ZFP3: variants seen among roughly 807,000 people sequenced by gnomAD.
ZFP3 encodes zinc finger protein 3 homolog.
ZFP3 carries 18 observed loss-of-function variants against 36.7 expected under a neutral mutation model. That is an observed-to-expected ratio of 0.49 (90% CI 0.34 to 0.73). The LOEUF is 0.73. Ranked by LOEUF, ZFP3 falls within the 30% of genes least tolerant of loss-of-function variation. The probability of loss-of-function intolerance (pLI) is 0.01; values close to 1 mark genes in which losing one functional copy is unlikely to be tolerated. For missense variants in ZFP3, 495 were observed against 599.0 expected, an observed-to-expected ratio of 0.83 and a Z score of 1.81; for synonymous variants, 218 against 199.0, an observed-to-expected ratio of 1.10 and a Z score of -0.81.
Position 5,087,209 on chromosome 17 carries a change from T to G in ZFP3, c.-8-4288T>G, listed in dbSNP as rs74835415. ...GATCCTCCCACCTCAGCTTCCCGAG[T>G]AGCTGGAACTACAGGCACATGCCAC... On this transcript the variant is annotated intron_variant, in intron 1 of 1. Transcript: ENST00000318833. Among the ~76,000 whole-genome samples the G allele has an allele frequency of 7.6e-3, 1,144 of 150,842 alleles. 9 individuals are homozygous for G. Among genetic ancestry groups the G allele is most frequent in the African/African-American group, 0.026 (1,084 of 40,994 alleles).
In ZFP3 at chr17:5,092,487, A is replaced by G; in HGVS notation, c.983A>G (p.Gln328Arg). Residue 328 changes from glutamine (Q) to arginine (R), a missense_variant, in exon 2 of 2, where the codon CAG becomes CGG. Physicochemically the swap from Gln to Arg is conservative, Grantham distance 43. This residue lies in a region of ZFP3 where 103 missense variants were observed against 186.8 expected (regional missense o/e 0.55). Coordinates refer to ENST00000318833, the MANE Select transcript of ZFP3 (RefSeq NM_153018.3). This position sits in a 1 kb window ranked among gnomAD's most constrained non-coding sequence, Gnocchi z 5.0. ...FGQSSELIRH[Q>R]RIHTGDKPYE... ...CAGAGTTCTGAGCTTATCCGGCATCAGAGAATTCATACAGGGGACAAACCC... is the reference window on the plus strand; with the variant it reads ...CAGAGTTCTGAGCTTATCCGGCATCGGAGAATTCATACAGGGGACAAACCC... The G allele has an allele frequency of 6.2e-7, 1 of 1,614,222 alleles. No homozygotes were observed. The highest frequency in any genetic ancestry group is 8.5e-7 in the Non-Finnish European group (1 of 1,180,032).
chr17:5,086,369 C>T lies in ZFP3; in HGVS notation c.-8-5128C>T, dbSNP rs149727860. On this transcript the variant is annotated intron_variant, in intron 1 of 1. Transcript: ENST00000318833. The stretch of plus-strand genomic sequence containing the variant: ...AGAGAGAAGGGGAGTCCAAAGTCGC[C>T]CCCAAATCTCCACCTTTCCCCTTCC... Among the ~76,000 whole-genome samples, 42 of 152,210 alleles carry T rather than the reference C, an allele frequency of 2.8e-4. No homozygotes were observed. The South Asian group carries it at 3.3e-3, about 12-fold the overall frequency.
Position 5,092,073 on chromosome 17 carries a change from T to A in ZFP3, c.569T>A (p.Ile190Asn). ...TNSSLRRHLRIHAGEKPFACN... is the reference protein window; with the variant it reads ...TNSSLRRHLRNHAGEKPFACN... The stretch of plus-strand genomic sequence containing the variant: ...TCAAGCCTTCGACGGCACCTGAGAA[T>A]TCATGCTGGAGAAAAACCCTTTGCT... Residue 190 changes from isoleucine to asparagine, a missense_variant, in exon 2 of 2, where the codon ATT (isoleucine) becomes AAT (asparagine). Ile to Asn is a moderately radical substitution (Grantham distance 149). Coordinates refer to ENST00000318833, the MANE Select transcript of ZFP3 (RefSeq NM_153018.3). This position sits in a 1 kb window ranked among gnomAD's most constrained non-coding sequence, Gnocchi z 5.0. 1 of 1,614,212 alleles carries A rather than the reference T, an allele frequency of 6.2e-7. No individual in the cohort carries two copies. Among genetic ancestry groups the A allele is most frequent in the Non-Finnish European group, 8.5e-7 (1 of 1,180,042 alleles).
In ZFP3 at chr17:5,094,041, C is replaced by T. The variant is rs1309363771; in HGVS notation, c.*1028C>T. On this transcript the variant is annotated 3_prime_UTR_variant, in exon 2 of 2. Transcript: ENST00000318833. Reference sequence around the variant, plus strand: ...GTAGCAGACAGGACTGTGGCTTCACCTCCTCCGGGCACCTGGCTACAGTGA... The same window carrying T: ...GTAGCAGACAGGACTGTGGCTTCACTTCCTCCGGGCACCTGGCTACAGTGA... 1 of 167,180 alleles carries T rather than the reference C, an allele frequency of 6.0e-6. No individual in the cohort carries two copies. Among genetic ancestry groups the T allele is most frequent in the Non-Finnish European group, 1.5e-5 (1 of 68,184 alleles). The allele number at this position is 167,180 out of a possible 1,614,324, so 10.4% of individuals were successfully genotyped here.
intron 1 of ZFP3, among the ~76,000 whole-genome samples, chr17:5,086,918 C>T (rs1167695632): frequency 6.6e-6 from 1 of 150,890 alleles, no homozygotes; most frequent in African/African-American, 2.4e-5. Flanking sequence ...TTAGTAGAGA[C>T]GGAGTTTCAC....
chr17:5,091,678 T>G lies in ZFP3; in HGVS notation c.174T>G (p.Val58=), dbSNP rs780962994. Residue 58 remains valine (V), a synonymous_variant, in exon 2 of 2, where the codon GTT becomes GTG. Coordinates refer to ENST00000318833, the MANE Select transcript of ZFP3 (RefSeq NM_153018.3). ...ATTCGAGAGAGTCCATGGAAGAGGT[T>G]ATAGAGCAGATGTCTCCTCAGGAGA... The part of the protein sequence containing the change: ...EGHSRESMEE[V]IEQMSPQERD... 3.7e-6 allele frequency: 6 copies of G among 1,614,156 alleles called. No individual in the cohort carries two copies. The highest frequency in any genetic ancestry group is 5.1e-6 in the Non-Finnish European group (6 of 1,180,036).
intron 1 of ZFP3, among the ~76,000 whole-genome samples, chr17:5,088,697 C>T (rs2072134110): frequency 6.6e-6 from 1 of 152,174 alleles, no homozygotes; most frequent in Admixed American, 6.5e-5. Flanking sequence ...ATCCACCATC[C>T]TCGGCCTCCC....
rs1391556606 is a variant in ZFP3, at chr17:5,093,814, T to C, written c.*801T>C. ...AGGCAATTTACAACGGGATTATAAGTGAAGGCCTTAGAATCCAGAGGGGCC... is the reference window on the plus strand; with the variant it reads ...AGGCAATTTACAACGGGATTATAAGCGAAGGCCTTAGAATCCAGAGGGGCC... On this transcript the variant is annotated 3_prime_UTR_variant, in exon 2 of 2. Coordinates refer to ENST00000318833, the MANE Select transcript of ZFP3 (RefSeq NM_153018.3). 1 of 167,014 alleles carries C rather than the reference T, an allele frequency of 6.0e-6. No individual in the cohort carries two copies. The highest frequency in any genetic ancestry group is 1.9e-4 in the East Asian group (1 of 5,194). The allele number at this position is 167,014 out of a possible 1,614,324, so 10.3% of individuals were successfully genotyped here.
At chr17:5,090,883 G>A (rs1254445652) in intron 1 of ZFP3, among the ~76,000 whole-genome samples, 1 of 151,952 alleles carries the variant, frequency 6.6e-6, no homozygotes. Context: ...TGCCCAGGTT[G>A]GTCTTGAACT....
intron 1 of ZFP3, among the ~76,000 whole-genome samples, chr17:5,081,627 A>C (rs1025976099): frequency 8.8e-5 from 13 of 148,220 alleles, no homozygotes; most frequent in African/African-American, 3.3e-4. Context: ...TTTGAGACGG[A>C]GTCTCGCTCT....
At chr17:5,088,065 T>C (rs2072130212) in intron 1 of ZFP3, among the ~76,000 whole-genome samples, 1 of 152,210 alleles carries the variant, frequency 6.6e-6, no homozygotes, top group Admixed American at 6.5e-5. Flanking sequence ...CTTTCAAGTC[T>C]GTATCTCTAG....
In ZFP3 at chr17:5,092,586, G is replaced by A; in HGVS notation, c.1082G>A (p.Gly361Asp). Reference sequence around the variant, plus strand: ...ATTAGACATATTAGAATTCATACTGGTGAGAAGCCCTATGTATGTAAGGAA... The same window carrying A: ...ATTAGACATATTAGAATTCATACTGATGAGAAGCCCTATGTATGTAAGGAA... ...EIIRHIRIHT[G>D]EKPYVCKECG... The change falls in exon 2 of 2, where the codon GGT (glycine) becomes GAT (aspartate). Residue 361 changes from glycine to aspartate, a missense_variant. Gly to Asp is a moderately conservative substitution (Grantham distance 94). Transcript: ENST00000318833. This position sits in a 1 kb window ranked among gnomAD's most constrained non-coding sequence, Gnocchi z 5.0. 2 of 1,614,138 alleles carry A rather than the reference G, an allele frequency of 1.2e-6. No homozygotes were observed. The highest frequency in any genetic ancestry group is 1.1e-5 in the South Asian group (1 of 91,082).
chr17:5,092,964 G>C lies in ZFP3; in HGVS notation c.1460G>C (p.Ser487Thr). The C allele has an allele frequency of 6.2e-7, 1 of 1,612,450 alleles. No individual in the cohort carries two copies. The highest frequency in any genetic ancestry group is 8.5e-7 in the Non-Finnish European group (1 of 1,179,250). Residue 487 changes from serine to threonine, a missense_variant, in exon 2 of 2, where the codon AGT becomes ACT. Ser to Thr is a moderately conservative substitution (Grantham distance 58). This residue lies in a region of ZFP3 where 163 missense variants were observed against 178.4 expected (regional missense o/e 0.91). Coordinates refer to ENST00000318833, the MANE Select transcript of ZFP3 (RefSeq NM_153018.3). This position sits in a 1 kb window ranked among gnomAD's most constrained non-coding sequence, Gnocchi z 5.0. The stretch of plus-strand genomic sequence containing the variant: ...TGCCAAGAATGTCAGAAGACTTTTA[G>C]TCGGAGCTCTCACCTCCTCCGACAT... The part of the protein sequence containing the change: ...YECQECQKTF[S>T]RSSHLLRHQS...
Position 5,092,828 on chromosome 17 carries a change from A to C in ZFP3, c.1324A>C (p.Ile442Leu). The change falls in exon 2 of 2, where the codon ATT becomes CTT. Residue 442 changes from isoleucine (I) to leucine (L), a missense_variant. This residue lies in a region of ZFP3 where 163 missense variants were observed against 178.4 expected (regional missense o/e 0.91). Coordinates refer to ENST00000318833, the MANE Select transcript of ZFP3 (RefSeq NM_153018.3). The surrounding 1 kb of genome is among the most constrained non-coding windows in gnomAD (Gnocchi z 5.0). Reference protein sequence around the residue: ...DNSELLLHQKIHIGEKPYECS... With the variant: ...DNSELLLHQKLHIGEKPYECS... ...TTCTGAGCTGCTTCTCCACCAGAAA[A>C]TTCATATTGGAGAGAAACCTTATGA... 4 of 1,614,206 alleles carry C rather than the reference A, an allele frequency of 2.5e-6. No individual in the cohort carries two copies. Among genetic ancestry groups the C allele is most frequent in the Non-Finnish European group, 3.4e-6 (4 of 1,180,038 alleles).
At chr17:5,088,925 G>A (rs947308440) in intron 1 of ZFP3, among the ~76,000 whole-genome samples, 1 of 152,210 alleles carries the variant, frequency 6.6e-6, no homozygotes, top group Non-Finnish European at 1.5e-5. Flanking sequence ...ACCTTCCACA[G>A]TGAACACTTT....
rs571594813 is a variant in ZFP3, at chr17:5,094,859, G to A, written c.*1846G>A. 1 of 166,980 alleles carries A rather than the reference G, an allele frequency of 6.0e-6. No individual in the cohort carries two copies. The highest frequency in any genetic ancestry group is 1.5e-5 in the Non-Finnish European group (1 of 68,116). The allele number at this position is 166,980 out of a possible 1,614,324, so 10.3% of individuals were successfully genotyped here. The stretch of plus-strand genomic sequence containing the variant: ...ACCTGTTTTAAGTGTTCAGTTGAAT[G>A]ATTTTTAATTTACATAGTGGTGCAA... On this transcript the variant is annotated 3_prime_UTR_variant, in exon 2 of 2. Coordinates refer to ENST00000318833, the MANE Select transcript of ZFP3 (RefSeq NM_153018.3).
In ZFP3 at chr17:5,092,203, C is replaced by T. The variant is rs762950038; in HGVS notation, c.699C>T (p.Ala233=). 1 of 1,614,062 alleles carries T rather than the reference C, an allele frequency of 6.2e-7. No individual in the cohort carries two copies. Among genetic ancestry groups the T allele is most frequent in the South Asian group, 1.1e-5 (1 of 91,076 alleles). The part of the protein sequence containing the change: ...RPYKCEECGK[A]FSQNSALILH... ...ATAAATGTGAAGAATGTGGTAAAGC[C>T]TTCAGTCAAAATTCAGCCCTTATTC... The change falls in exon 2 of 2, where the codon GCC becomes GCT. Residue 233 remains alanine (A), a synonymous_variant. Coordinates refer to ENST00000318833, the MANE Select transcript of ZFP3 (RefSeq NM_153018.3). The surrounding 1 kb of genome is among the most constrained non-coding windows in gnomAD (Gnocchi z 5.0).
chr17:5,079,267 A>G (rs1000726620), intron 1 of ZFP3, among the ~76,000 whole-genome samples: 2 of 152,216 alleles, frequency 1.3e-5, no homozygotes, highest in Non-Finnish European at 2.9e-5. Context: ...CATGCCTGTA[A>G]TCCCAGCATT....
At chr17:5,089,949 C>T (rs999953302) in intron 1 of ZFP3, among the ~76,000 whole-genome samples, 1 of 152,150 alleles carries the variant, frequency 6.6e-6, no homozygotes, top group African/African-American at 2.4e-5. Context: ...TGAGCCACCA[C>T]ACCCTGCCAA....
Sources: gnomAD v4.1 joint callset for allele counts (sites outside exome capture counted in the v4.1 genomes callset) on GRCh38, gnomAD v4.1.1 for gene constraint, gnomAD v4.1.1 regional missense constraint, Gnocchi (gnomAD v3.1) non-coding constraint, MANE v1.5 for transcripts, NCBI Gene and HGNC (gene_info 2026-07-23, HGNC 2026-07-21) for gene names.